The following ABCC2 variants were observed in gnomAD, a reference collection of about 807,000 sequenced individuals.
ABCC2 encodes ATP binding cassette subfamily C member 2.
A neutral mutation model predicts 173.4 loss-of-function variants in ABCC2; 157 were observed. The observed-to-expected ratio is 0.91, with a 90% CI of 0.80 to 1.03. ABCC2 has a LOEUF of 1.03. Ranked by LOEUF, ABCC2 falls within the 50% of genes least tolerant of loss-of-function variation. The pLI is 0.00. For missense variants in ABCC2, 1,822 were observed against 1,852.3 expected (o/e 0.98, Z 0.30); for synonymous variants, 657 against 693.5 (o/e 0.95, Z 0.83).
At chr10:99,815,753 A>G (rs2038397079) in intron 16 of ABCC2, among the ~76,000 whole-genome samples, 1 of 152,186 alleles carries the variant, frequency 6.6e-6, no homozygotes, top group South Asian at 2.1e-4. Context: ...TGACAAAAAA[A>G]TGTAAGAACC....
intron 16 of ABCC2, 41 bp downstream of exon 16, chr10:99,813,185 T>C (rs1007943371): frequency 1.2e-6 from 2 of 1,607,916 alleles, no homozygotes; most frequent in Non-Finnish European, 1.7e-6. Context: ...GACTCCCGAA[T>C]GTCAGCAGCT....
At position 99,801,941 on chromosome 10, in the gene ABCC2, AC is replaced by A. The variant is rs2038022220; in HGVS notation, c.1209+1384del. The stretch of plus-strand genomic sequence containing the variant: ...AGTCAAGTCCTTTGAACTCCCAGAT[AC>A]CCCCCAACTGGAATTTGCCTTCCTC... On this transcript the variant is annotated intron_variant, in intron 9 of 31. Coordinates refer to ENST00000647814, the MANE Select transcript of ABCC2 (RefSeq NM_000392.5). Among the ~76,000 whole-genome samples the A allele has an allele frequency of 2.0e-5, 3 of 151,964 alleles. No individual in the cohort carries two copies. The South Asian group carries it at 6.2e-4, about 32-fold the overall frequency.
chr10:99,789,265 C>T (rs942125235), intron 2 of ABCC2: 3 of 152,352 alleles, frequency 2.0e-5, no homozygotes, highest in Middle Eastern at 3.4e-3. Flanking sequence ...GAGAGAGCCT[C>T]TGAGTGGGAC....
chr10:99,836,413 T>C, intron 25 of ABCC2, 123 bp downstream of exon 25: 2 of 1,027,294 alleles, frequency 1.9e-6, no homozygotes, highest in East Asian at 2.5e-5. Flanking sequence ...CACACTGTCA[T>C]GCTATGTAAG....
chr10:99,784,386 C>T (rs1032812155), intron 1 of ABCC2, among the ~76,000 whole-genome samples: 1 of 152,096 alleles, frequency 6.6e-6, no homozygotes, highest in Non-Finnish European at 1.5e-5. Flanking sequence ...CAAGAAGACA[C>T]GTTTTTGGAG....
chr10:99,852,335 G>A lies in ABCC2; in HGVS notation c.*704G>A, dbSNP rs572870097. The A allele has an allele frequency of 6.6e-6, 1 of 152,334 alleles. No individual in the cohort carries two copies. Among genetic ancestry groups the A allele is most frequent in the Admixed American group, 6.5e-5 (1 of 15,290 alleles). 9.4% of individuals were successfully genotyped at this position (152,334 alleles called of 1,614,324 possible). ...CAACTGAAAACATTGCTGTCAATCT[G>A]ATGAATATGAATTGATGTATCAATG... On this transcript the variant is annotated 3_prime_UTR_variant, in exon 32 of 32. Coordinates refer to ENST00000647814, the MANE Select transcript of ABCC2 (RefSeq NM_000392.5).
intron 7 of ABCC2, 175 bp downstream of exon 7, chr10:99,797,506 G>A (rs2037940025): frequency 3.1e-6 from 2 of 651,568 alleles, no homozygotes; most frequent in Admixed American, 2.6e-5. Flanking sequence ...TACATGGCGT[G>A]TAATGTACTG....
intron 3 of ABCC2, among the ~76,000 whole-genome samples, chr10:99,793,318 G>A (rs530899483): frequency 1.2e-4 from 19 of 152,204 alleles, no homozygotes; most frequent in Admixed American, 7.9e-4. Context: ...TACATTCTTG[G>A]CTAACATCCC....
Position 99,800,418 on chromosome 10 carries a change from C to A in ABCC2, c.1064C>A (p.Thr355Lys). Residue 355 changes from threonine (T) to lysine (K), a missense_variant, in exon 9 of 32, where the codon ACA becomes AAA. Transcript: ENST00000647814. ...LLISFASDRDTYLWIGYLCAI... is the reference protein window; with the variant it reads ...LLISFASDRDKYLWIGYLCAI... ...ATCTCCTTTGCAAGTGACCGTGACA[C>A]ATATTTGTGGATTGGATATCTCTGT... 1 of 1,614,180 alleles carries A rather than the reference C, an allele frequency of 6.2e-7. No individual in the cohort carries two copies. Among genetic ancestry groups the A allele is most frequent in the Non-Finnish European group, 8.5e-7 (1 of 1,180,036 alleles).
chr10:99,807,571 A>T, intron 12 of ABCC2, 50 bp downstream of exon 12: 1 of 1,612,476 alleles, frequency 6.2e-7, no homozygotes, highest in Non-Finnish European at 8.5e-7. Context: ...GACCTGCATC[A>T]GCTTCCTGAA....
chr10:99,816,853 A>C (rs2038426232), intron 16 of ABCC2, among the ~76,000 whole-genome samples: 1 of 152,138 alleles, frequency 6.6e-6, no homozygotes, highest in Non-Finnish European at 1.5e-5. Context: ...GAGGTGGAAC[A>C]GTTTCATCCC....
intron 10 of ABCC2, 59 bp downstream of exon 10, chr10:99,804,332 TTACTC>T (rs2038064267): frequency 1.2e-6 from 2 of 1,607,066 alleles, no homozygotes; most frequent in African/African-American, 2.7e-5. Flanking sequence ...ACCCTTTTTC[TTACTC>T]TACTCTAATT....
intron 2 of ABCC2, among the ~76,000 whole-genome samples, chr10:99,787,815 C>T (rs1173176430): frequency 6.6e-6 from 1 of 152,054 alleles, no homozygotes; most frequent in Non-Finnish European, 1.5e-5. Context: ...GTAATCCCAA[C>T]ACTTTGGGAA....
At position 99,843,765 on chromosome 10, in the gene ABCC2, T is replaced by C. The variant is rs17216177; in HGVS notation, c.3742-34T>C. ...GAGTGGTTGAGTTGGTTTCTGTGCCTATGATGATTTTCAGTCTTCTGGTTT... is the reference window on the plus strand; with the variant it reads ...GAGTGGTTGAGTTGGTTTCTGTGCCCATGATGATTTTCAGTCTTCTGGTTT... On this transcript the variant is annotated intron_variant, in intron 26 of 31. Transcript: ENST00000647814. The C allele has an allele frequency of 0.059, 93,651 of 1,577,898 alleles. 3,712 individuals are homozygous for C. Among genetic ancestry groups the C allele is most frequent in the African/African-American group, 0.18 (13,097 of 74,202 alleles).
chr10:99,784,600 G>C lies in ABCC2; in HGVS notation c.34-8G>C. 1.2e-6 allele frequency: 2 copies of C among 1,613,734 alleles called. No individual in the cohort carries two copies. The highest frequency in any genetic ancestry group is 1.3e-5 in the African/African-American group (1 of 75,002). Reference sequence around the variant, plus strand: ...TGTATGCAACAATCCTTCCCCTTTGGTCTCCAGAATTCCTCATTCCTGGAC... The same window carrying C: ...TGTATGCAACAATCCTTCCCCTTTGCTCTCCAGAATTCCTCATTCCTGGAC... On this transcript the variant is annotated splice_polypyrimidine_tract_variant and splice_region_variant and intron_variant, in intron 1 of 31. Coordinates refer to ENST00000647814, the MANE Select transcript of ABCC2 (RefSeq NM_000392.5).
intron 19 of ABCC2, among the ~76,000 whole-genome samples, chr10:99,828,677 G>T (rs1351601515): frequency 3.3e-5 from 5 of 152,064 alleles, no homozygotes; most frequent in Admixed American, 3.3e-4. Flanking sequence ...AAGTCTGTTT[G>T]GTTGGCTTAG....
At chr10:99,851,454 T>C (rs1442795780) in intron 31 of ABCC2, 48 bp from the exon 32 acceptor site, 1 of 1,612,016 alleles carries the variant, frequency 6.2e-7, no homozygotes, top group Non-Finnish European at 8.5e-7. Context: ...ATGCCTAGAC[T>C]TGAGATGCTG....
Position 99,845,770 on chromosome 10 carries a change from C to T in ABCC2, c.4134C>T (p.Thr1378=). 2 of 1,611,748 alleles carry T rather than the reference C, an allele frequency of 1.2e-6. No individual in the cohort carries two copies. The highest frequency in any genetic ancestry group is 1.7e-6 in the Non-Finnish European group (2 of 1,179,384). The change falls in exon 29 of 32, where the codon ACC becomes ACT. Residue 1378 remains threonine, a synonymous_variant. Coordinates refer to ENST00000647814, the MANE Select transcript of ABCC2 (RefSeq NM_000392.5). Reference sequence around the variant, plus strand: ...TCCACGACCTCCGAGAGAAGCTGACCATCATCCCCCAGGTGAGCTCTAGAA... The same window carrying T: ...TCCACGACCTCCGAGAGAAGCTGACTATCATCCCCCAGGTGAGCTCTAGAA... ...IGLHDLREKL[T]IIPQDPILFS... is the part of the protein sequence containing the mutation.
Position 99,814,628 on chromosome 10 carries a change from C to CAT in ABCC2, c.2094+1487_2094+1488dup, listed in dbSNP as rs34009725. ...ATATGTGTATATACACATATACACA[C>CAT]ATATGTGTATATACACATATACACA... On this transcript the variant is annotated intron_variant, in intron 16 of 31. Transcript: ENST00000647814. 2.3e-3 allele frequency among the ~76,000 whole-genome samples: 191 copies of CAT among 84,418 alleles called. 5 individuals are homozygous for CAT. The highest frequency in any genetic ancestry group is 6.9e-3 in the African/African-American group (123 of 17,862). The allele number at this position is 84,418 out of a possible 152,430, so 55.4% of individuals were successfully genotyped here.
Sources: gnomAD v4.1 joint callset for allele counts (sites outside exome capture counted in the v4.1 genomes callset) on GRCh38, gnomAD v4.1.1 for gene constraint, MANE v1.5 for transcripts, NCBI Gene and HGNC (gene_info 2026-07-23, HGNC 2026-07-21) for gene names.